The following RBM20 variants were observed in gnomAD, a reference collection of about 807,000 sequenced individuals.
RBM20 encodes RNA binding motif protein 20.
A neutral mutation model predicts 110.1 loss-of-function variants in RBM20; 51 were observed. The observed-to-expected ratio is 0.46, with a 90% confidence interval of 0.37 to 0.59. RBM20 has a LOEUF of 0.59. Ranked by LOEUF, RBM20 falls within the 20% of genes least tolerant of loss-of-function variation. The probability of loss-of-function intolerance (pLI) is 0.00; values close to 1 mark genes in which losing one functional copy is unlikely to be tolerated. For synonymous variants in RBM20, 589 were observed against 618.2 expected, an observed-to-expected ratio of 0.95 and a Z score of 0.70; for missense variants, 1,512 against 1,574.9, an observed-to-expected ratio of 0.96 and a Z score of 0.68.
chr10:110,685,263 C>T (rs1189160381), intron 1 of RBM20, among the ~76,000 whole-genome samples: 1 of 152,100 alleles, frequency 6.6e-6, no homozygotes, highest in African/African-American at 2.4e-5. Flanking sequence ...AAGTGCTCAG[C>T]GCGTTTCATG....
chr10:110,745,459 T>C (rs1295481482), intron 1 of RBM20, among the ~76,000 whole-genome samples: 1 of 152,204 alleles, frequency 6.6e-6, no homozygotes, highest in Non-Finnish European at 1.5e-5. Context: ...GCTCTATTGC[T>C]ACTCCTGTCC....
At position 110,831,124 on chromosome 10, in the gene RBM20, G is replaced by A. The variant is rs1165657860; in HGVS notation, c.3515G>A (p.Ser1172Asn). 5.8e-6 allele frequency: 9 copies of A among 1,551,502 alleles called. No individual in the cohort carries two copies. Among genetic ancestry groups the A allele is most frequent in the Non-Finnish European group, 7.8e-6 (9 of 1,146,936 alleles). ...AAGCTGTGTGGGCTGTTCTACACGA[G>A]CGAGGAGACAGCAAAGATGAGCCAC... ...YCKLCGLFYT[S>N]EETAKMSHCR... The change falls in exon 13 of 14, where the codon AGC (serine) becomes AAC (asparagine). Residue 1172 changes from serine to asparagine, a missense_variant. Around this residue, in one of 3 missense-constraint regions of RBM20, gnomAD observed 358 missense variants for 384.2 expected, o/e 0.93. Transcript: ENST00000369519.
chr10:110,780,705 G>T, intron 1 of RBM20, 96 bp from the exon 2 acceptor site: 2 of 1,353,136 alleles, frequency 1.5e-6, no homozygotes, highest in Non-Finnish European at 9.7e-7. Flanking sequence ...GGAAGGTCTT[G>T]TTTATGTGGG....
intron 5 of RBM20, among the ~76,000 whole-genome samples, chr10:110,792,233 T>C (rs532374764): frequency 6.6e-6 from 1 of 152,312 alleles, no homozygotes; most frequent in South Asian, 2.1e-4. Context: ...CCTAAATCAT[T>C]ATTTTTAGAG....
intron 1 of RBM20, among the ~76,000 whole-genome samples, chr10:110,698,768 A>G (rs930677047): frequency 3.9e-5 from 6 of 152,210 alleles, no homozygotes; most frequent in African/African-American, 1.2e-4. Flanking sequence ...CTCAATTGCA[A>G]ATAGCCCCGC....
intron 9 of RBM20, among the ~76,000 whole-genome samples, chr10:110,813,205 A>G (rs568807889): frequency 6.6e-5 from 10 of 152,338 alleles, no homozygotes; most frequent in Admixed American, 5.9e-4. Flanking sequence ...TTATTTGTCC[A>G]AGAACACACG....
At chr10:110,647,190 G>A (rs916269712) in intron 1 of RBM20, among the ~76,000 whole-genome samples, 7 of 152,074 alleles carry the variant, frequency 4.6e-5, no homozygotes, top group African/African-American at 9.7e-5. Context: ...TCCTGTTCAC[G>A]TTATATTTGG....
chr10:110,787,086 T>C (rs1844428637), intron 5 of RBM20, among the ~76,000 whole-genome samples: 1 of 152,232 alleles, frequency 6.6e-6, no homozygotes, highest in Non-Finnish European at 1.5e-5. Context: ...CCACTTGCTG[T>C]GTGTCTCCAG....
At chr10:110,790,986 C>T (rs908895237) in intron 5 of RBM20, among the ~76,000 whole-genome samples, 12 of 152,192 alleles carry the variant, frequency 7.9e-5, no homozygotes, top group African/African-American at 2.7e-4. Context: ...AGCTGCTAAA[C>T]AGGTGAATCG....
upstream of RBM20, chr10:110,644,285 G>T: frequency 2.1e-6 from 1 of 466,100 alleles, no homozygotes; most frequent in Non-Finnish European, 3.6e-6. This position sits in a 1 kb window ranked among gnomAD's most constrained non-coding sequence, Gnocchi z 4.3. Flanking sequence ...GCAGCGGGAG[G>T]AGGCGGCGCC....
At chr10:110,662,012 G>GAAAA (rs991849689) in intron 1 of RBM20, among the ~76,000 whole-genome samples, 4 of 145,186 alleles carry the variant, frequency 2.8e-5, no homozygotes, top group Non-Finnish European at 6.1e-5. Context: ...CTGGTCTCAG[G>GAAAA]AAAAAAAAAA....
At chr10:110,769,618 T>C (rs919765509) in intron 1 of RBM20, among the ~76,000 whole-genome samples, 1 of 152,202 alleles carries the variant, frequency 6.6e-6, no homozygotes, top group African/African-American at 2.4e-5. Flanking sequence ...TTTTACATTG[T>C]CTGAAACCCC....
chr10:110,792,464 A>G (rs554881222), intron 5 of RBM20, among the ~76,000 whole-genome samples: 1 of 152,302 alleles, frequency 6.6e-6, no homozygotes, highest in East Asian at 1.9e-4. Flanking sequence ...GTGGCATTTC[A>G]TCTTCTCAGC....
chr10:110,745,434 T>C (rs1263839303), intron 1 of RBM20, among the ~76,000 whole-genome samples: 1 of 152,216 alleles, frequency 6.6e-6, no homozygotes, highest in Non-Finnish European at 1.5e-5. Flanking sequence ...TGACAGTGGC[T>C]GGGGATCTTC....
At chr10:110,735,945 T>G (rs1379918949) in intron 1 of RBM20, among the ~76,000 whole-genome samples, 1 of 152,210 alleles carries the variant, frequency 6.6e-6, no homozygotes, top group Non-Finnish European at 1.5e-5. Context: ...AAGCTTAGGC[T>G]TTGAAGATAT....
chr10:110,709,809 A>G (rs1862897917), intron 1 of RBM20, among the ~76,000 whole-genome samples: 1 of 151,958 alleles, frequency 6.6e-6, no homozygotes, highest in African/African-American at 2.4e-5. Context: ...GGACTCAAGC[A>G]ATTCTCCCAC....
intron 1 of RBM20, among the ~76,000 whole-genome samples, chr10:110,730,647 A>T (rs913887925): frequency 1.3e-5 from 2 of 152,258 alleles, no homozygotes; most frequent in Non-Finnish European, 2.9e-5. Context: ...CAGCCCTCAG[A>T]CCATGCCAGC....
chr10:110,755,634 C>G (rs1843911439), intron 1 of RBM20, among the ~76,000 whole-genome samples: 1 of 152,154 alleles, frequency 6.6e-6, no homozygotes, highest in Admixed American at 6.5e-5. Flanking sequence ...GAATGTAGGG[C>G]CACAAGTTTT....
At chr10:110,717,544 T>G (rs768722366) in intron 1 of RBM20, among the ~76,000 whole-genome samples, 14 of 152,314 alleles carry the variant, frequency 9.2e-5, no homozygotes, top group Admixed American at 3.3e-4. Flanking sequence ...TGGAATGAAC[T>G]GAGTGTGAGG....
Sources: allele counts gnomAD v4.1 joint callset (sites outside exome capture counted in the v4.1 genomes callset), GRCh38; gene constraint gnomAD v4.1.1; regional missense constraint gnomAD v4.1.1; non-coding constraint Gnocchi (gnomAD v3.1); transcripts MANE v1.5; gene names NCBI Gene and HGNC (gene_info 2026-07-23, HGNC 2026-07-21).